The following NTM variants were observed in gnomAD, a reference collection of about 807,000 sequenced individuals.
NTM encodes IgLON family member 2.
In NTM, 13 loss-of-function variants were observed where a neutral mutation model predicts 42.1. The ratio of observed to expected loss-of-function variants is 0.31; its 90% CI spans 0.20 to 0.49. NTM has a LOEUF of 0.49. NTM is among the 20% of genes least tolerant of loss of function. The pLI, the probability that NTM is intolerant of heterozygous loss-of-function variation, is 0.99. For missense variants in NTM, 373 were observed against 452.8 expected, an observed-to-expected ratio of 0.82 and a Z score of 1.60; for synonymous variants, 187 against 179.2, an observed-to-expected ratio of 1.04 and a Z score of -0.35.
At chr11:131,685,220 G>T (rs958708215) in intron 1 of NTM, among the ~76,000 whole-genome samples, 1 of 152,196 alleles carries the variant, frequency 6.6e-6, no homozygotes, top group Admixed American at 6.5e-5. Flanking sequence ...AGCTTGGGGG[G>T]CAGCTAGCAC....
chr11:131,527,469 C>G (rs2136635302), intron 1 of NTM, among the ~76,000 whole-genome samples: 1 of 152,292 alleles, frequency 6.6e-6, no homozygotes, highest in South Asian at 2.1e-4. Flanking sequence ...AAATTAGTTT[C>G]CTGGCATACT....
At chr11:131,619,903 C>G (rs1223211396) in intron 1 of NTM, among the ~76,000 whole-genome samples, 2 of 151,428 alleles carry the variant, frequency 1.3e-5, no homozygotes, top group Non-Finnish European at 2.9e-5. Flanking sequence ...CTCGTGGGTT[C>G]AAGTGATTCT....
intron 1 of NTM, among the ~76,000 whole-genome samples, chr11:131,832,199 AAAAAC>A (rs1303979243): frequency 6.6e-6 from 1 of 151,722 alleles, no homozygotes; most frequent in Non-Finnish European, 1.5e-5. Flanking sequence ...GAAAAAAAAA[AAAAAC>A]AGAGTTCATA....
chr11:131,951,410 C>T (rs1226379128), intron 2 of NTM, among the ~76,000 whole-genome samples: 2 of 152,170 alleles, frequency 1.3e-5, no homozygotes, highest in Non-Finnish European at 2.9e-5. Flanking sequence ...GGCAGTGTTA[C>T]TGCCTTTCAC....
At chr11:131,562,425 A>G (rs1038364631) in intron 1 of NTM, among the ~76,000 whole-genome samples, 9 of 152,140 alleles carry the variant, frequency 5.9e-5, no homozygotes, top group Non-Finnish European at 1.2e-4. Context: ...GAAGGTGGGG[A>G]GAGGGTGGGG....
chr11:131,496,946 T>C (rs1482580666), intron 1 of NTM, among the ~76,000 whole-genome samples: 4 of 152,190 alleles, frequency 2.6e-5, no homozygotes, highest in African/African-American at 9.7e-5. Context: ...CTCAGGCCTC[T>C]CCCTCTGGCT....
chr11:131,773,858 T>C (rs2086540065), intron 1 of NTM: 1 of 241,890 alleles, frequency 4.1e-6, no homozygotes, highest in African/African-American at 2.3e-5. Context: ...CAGCGCATGA[T>C]CTTCCATCGT....
chr11:132,082,042 G>A (rs2059134654), intron 2 of NTM, among the ~76,000 whole-genome samples: 1 of 144,598 alleles, frequency 6.9e-6, no homozygotes, highest in Non-Finnish European at 1.5e-5. Flanking sequence ...AAAATTCATG[G>A]AAAAATGGAA....
intron 1 of NTM, among the ~76,000 whole-genome samples, chr11:131,446,202 G>T (rs935068563): frequency 2.0e-5 from 3 of 152,190 alleles, no homozygotes; most frequent in Non-Finnish European, 2.9e-5. Flanking sequence ...GTTTGGTGTT[G>T]TGAGGCTATG....
At chr11:131,500,244 T>A (rs2046573015) in intron 1 of NTM, among the ~76,000 whole-genome samples, 1 of 152,190 alleles carries the variant, frequency 6.6e-6, no homozygotes, top group Non-Finnish European at 1.5e-5. Context: ...TCAGAGCAGC[T>A]TCCACTCCTT....
At chr11:132,300,045 T>G (rs1263010309) in intron 4 of NTM, among the ~76,000 whole-genome samples, 1 of 152,162 alleles carries the variant, frequency 6.6e-6, no homozygotes. Flanking sequence ...TAAATGATCA[T>G]GAGAAATTAT....
intron 1 of NTM, among the ~76,000 whole-genome samples, chr11:131,615,498 T>C (rs1173240728): frequency 3.3e-5 from 5 of 152,178 alleles, no homozygotes. Flanking sequence ...CTTGAGTAGC[T>C]GGGATTACAG....
chr11:131,594,207 T>C (rs1442730036), intron 1 of NTM, among the ~76,000 whole-genome samples: 1 of 152,188 alleles, frequency 6.6e-6, no homozygotes, highest in East Asian at 1.9e-4. Flanking sequence ...TTGTAATAAT[T>C]TGGCACTGGG....
chr11:132,189,159 A>T (rs778750781), intron 3 of NTM, among the ~76,000 whole-genome samples: 2 of 152,154 alleles, frequency 1.3e-5, no homozygotes, highest in African/African-American at 4.8e-5. Flanking sequence ...AAGAACAAAT[A>T]TGCAAGTCTA....
chr11:131,883,558 A>G lies in NTM; in HGVS notation c.83-28006A>G, dbSNP rs145724427. Among the ~76,000 whole-genome samples the G allele has an allele frequency of 7.0e-4, 106 of 152,336 alleles. 2 individuals are homozygous for G. In the East Asian group the frequency reaches 0.018, roughly 26 times the overall value. Reference sequence around the variant, plus strand: ...ATCACTGTTCAAATGAAGAAACTGAAGTCTAGAGAGGAGTGATTTTCTTTT... The same window carrying G: ...ATCACTGTTCAAATGAAGAAACTGAGGTCTAGAGAGGAGTGATTTTCTTTT... On this transcript the variant is annotated intron_variant, in intron 1 of 8. Coordinates refer to ENST00000683400, the MANE Select transcript of NTM (RefSeq NM_001352005.2).
At chr11:131,565,730 G>A (rs971410334) in intron 1 of NTM, among the ~76,000 whole-genome samples, 4 of 152,188 alleles carry the variant, frequency 2.6e-5, no homozygotes, top group Non-Finnish European at 5.9e-5. Flanking sequence ...AATCTGCAAA[G>A]GGCCCTGAGA....
At chr11:131,565,121 A>C (rs1037128956) in intron 1 of NTM, among the ~76,000 whole-genome samples, 1 of 152,172 alleles carries the variant, frequency 6.6e-6, no homozygotes, top group East Asian at 1.9e-4. Flanking sequence ...CCTGGCGCGC[A>C]TGTTGGTGGT....
intron 2 of NTM, among the ~76,000 whole-genome samples, chr11:131,935,637 A>G (rs2059131069): frequency 6.6e-6 from 1 of 152,152 alleles, no homozygotes; most frequent in Non-Finnish European, 1.5e-5. Context: ...GGCCTGTTTT[A>G]TCAGATTTCC....
At chr11:131,991,780 C>T (rs1267937172) in intron 2 of NTM, among the ~76,000 whole-genome samples, 1 of 152,156 alleles carries the variant, frequency 6.6e-6, no homozygotes, top group Non-Finnish European at 1.5e-5. Flanking sequence ...TGGACATGTA[C>T]CTGCCATTGC....
Sources: gnomAD v4.1 joint callset for allele counts (sites outside exome capture counted in the v4.1 genomes callset) on GRCh38, gnomAD v4.1.1 for gene constraint, MANE v1.5 for transcripts, NCBI Gene and HGNC (gene_info 2026-07-23, HGNC 2026-07-21) for gene names.